Variants in ZFAND3 observed in about 807,000 individuals in gnomAD.
ZFAND3 encodes AN1-type zinc finger protein 3.
In ZFAND3, 10 loss-of-function variants were observed where a neutral mutation model predicts 29.6. That is an observed-to-expected ratio of 0.34 (90% confidence interval 0.21 to 0.57). The LOEUF (loss-of-function observed/expected upper bound fraction) is 0.57. Ranked by LOEUF, ZFAND3 falls within the 20% of genes least tolerant of loss-of-function variation. ZFAND3 has a pLI of 0.86. For synonymous variants in ZFAND3, 128 were observed against 112.6 expected (o/e 1.14, Z -0.87); for missense variants, 230 against 304.5 (o/e 0.76, Z 1.82).
At chr6:37,917,556 A>T (rs1761283121) in intron 1 of ZFAND3, among the ~76,000 whole-genome samples, 1 of 152,254 alleles carries the variant, frequency 6.6e-6, no homozygotes, top group African/African-American at 2.4e-5. Flanking sequence ...TGAGGCAGAG[A>T]TAGAAAAGAT....
At chr6:37,869,520 T>C (rs961826398) in intron 1 of ZFAND3, among the ~76,000 whole-genome samples, 1 of 151,936 alleles carries the variant, frequency 6.6e-6, no homozygotes, top group Non-Finnish European at 1.5e-5. Context: ...TTAATTTTTT[T>C]TTTTTTTTGA....
chr6:37,954,963 C>T (rs1049480377), intron 2 of ZFAND3, among the ~76,000 whole-genome samples: 1 of 152,200 alleles, frequency 6.6e-6, no homozygotes, highest in East Asian at 1.9e-4. Context: ...TACCTCTAAC[C>T]CTTTCAAATG....
intron 5 of ZFAND3, among the ~76,000 whole-genome samples, chr6:38,120,304 C>A (rs182688131): frequency 7.7e-6 from 1 of 129,850 alleles, no homozygotes; most frequent in Admixed American, 7.7e-5. Flanking sequence ...TTGATTGATA[C>A]ACGTAGCTTG....
chr6:38,141,687 T>C (rs1285484311), intron 5 of ZFAND3, among the ~76,000 whole-genome samples: 1 of 152,192 alleles, frequency 6.6e-6, no homozygotes, highest in African/African-American at 2.4e-5. Context: ...GGCAGTGACT[T>C]CTCAAAGGAG....
intron 2 of ZFAND3, among the ~76,000 whole-genome samples, chr6:38,030,062 A>G (rs1337264536): frequency 3.8e-3 from 52 of 13,616 alleles, no homozygotes; most frequent in African/African-American, 8.1e-3. Flanking sequence ...ATATATATAT[A>G]TATATATATA....
intron 1 of ZFAND3, among the ~76,000 whole-genome samples, chr6:37,907,282 G>A (rs1320612385): frequency 6.6e-6 from 1 of 152,038 alleles, no homozygotes; most frequent in South Asian, 2.1e-4. Flanking sequence ...CTAACTGTAC[G>A]TAGTTCAGTG....
intron 2 of ZFAND3, among the ~76,000 whole-genome samples, chr6:38,025,953 A>G (rs973853200): frequency 3.9e-5 from 6 of 152,326 alleles, no homozygotes; most frequent in Non-Finnish European, 8.8e-5. Flanking sequence ...ACAATCTAAA[A>G]TTGGTTGTGA....
rs141229452 is a variant in ZFAND3, at chr6:37,872,577, C to G, written c.71+52561C>G. Among the ~76,000 whole-genome samples, 5 of 152,290 alleles carry G rather than the reference C, an allele frequency of 3.3e-5. 1 individual carries two copies. In the East Asian group the frequency reaches 9.7e-4, roughly 29 times the overall value. ...CCACTTGCCTCTCCAGAGTACCACT[C>G]TCCTACTCTGGCACCATAGATTAGT... On this transcript the variant is annotated intron_variant, in intron 1 of 5. Coordinates refer to ENST00000287218, the MANE Select transcript of ZFAND3 (RefSeq NM_021943.3).
At chr6:37,861,911 G>A (rs1335328913) in intron 1 of ZFAND3, among the ~76,000 whole-genome samples, 1 of 152,196 alleles carries the variant, frequency 6.6e-6, no homozygotes, top group African/African-American at 2.4e-5. Context: ...TATGTTGTAT[G>A]TGTTTTGCTG....
chr6:38,090,894 T>C (rs1764854207), intron 4 of ZFAND3, among the ~76,000 whole-genome samples: 1 of 152,348 alleles, frequency 6.6e-6, no homozygotes, highest in East Asian at 1.9e-4. Flanking sequence ...TGTTTTGTAA[T>C]TGGAGCCCTA....
intron 4 of ZFAND3, among the ~76,000 whole-genome samples, chr6:38,101,772 CAAAAAAAAAA>C (rs57491627): frequency 4.7e-5 from 2 of 42,718 alleles, no homozygotes; most frequent in Non-Finnish European, 4.5e-5. Flanking sequence ...GACTCCCTCT[CAAAAAAAAAA>C]AAAAAAAAAA....
intron 1 of ZFAND3, among the ~76,000 whole-genome samples, chr6:37,929,437 A>C (rs1199952047): frequency 6.6e-6 from 1 of 152,254 alleles, no homozygotes; most frequent in Non-Finnish European, 1.5e-5. Flanking sequence ...AAAGAATTTT[A>C]AACAAGAAGG....
intron 1 of ZFAND3, among the ~76,000 whole-genome samples, chr6:37,835,684 C>T (rs752688718): frequency 3.6e-4 from 55 of 152,126 alleles, no homozygotes; most frequent in Non-Finnish European, 7.1e-4. Context: ...TAGCCTTAGT[C>T]CCACTTAGTC....
At chr6:37,893,084 A>G (rs1201797215) in intron 1 of ZFAND3, among the ~76,000 whole-genome samples, 1 of 152,106 alleles carries the variant, frequency 6.6e-6, no homozygotes, top group East Asian at 1.9e-4. Flanking sequence ...TTTAGGAGGA[A>G]GCACTTCCCA....
intron 1 of ZFAND3, among the ~76,000 whole-genome samples, chr6:37,908,016 C>G (rs759625309): frequency 5.3e-5 from 8 of 152,082 alleles, no homozygotes; most frequent in Non-Finnish European, 1.0e-4. Flanking sequence ...AAACTTGTCC[C>G]AAAAATGTCT....
intron 2 of ZFAND3, among the ~76,000 whole-genome samples, chr6:37,972,599 A>G (rs543993039): frequency 2.6e-5 from 4 of 152,162 alleles, no homozygotes; most frequent in African/African-American, 4.8e-5. Flanking sequence ...CACAACAGCT[A>G]TTATTTTATT....
chr6:37,863,541 G>GT (rs1764532048), intron 1 of ZFAND3, among the ~76,000 whole-genome samples: 1 of 151,688 alleles, frequency 6.6e-6, no homozygotes, highest in Admixed American at 6.6e-5. Context: ...AATAGAACTA[G>GT]TGATTTCTTT....
intron 1 of ZFAND3, among the ~76,000 whole-genome samples, chr6:37,866,053 T>C (rs1764584875): frequency 1.3e-5 from 2 of 152,134 alleles, no homozygotes; most frequent in South Asian, 4.1e-4. Flanking sequence ...TCTCAAATTC[T>C]TGGCCTTAAA....
At chr6:37,939,308 C>G (rs1312972521) in intron 2 of ZFAND3, among the ~76,000 whole-genome samples, 1 of 152,166 alleles carries the variant, frequency 6.6e-6, no homozygotes. Context: ...TAGTTCTTGG[C>G]ATTCCTTTGC....
Sources: allele counts gnomAD v4.1 joint callset (sites outside exome capture counted in the v4.1 genomes callset), GRCh38; gene constraint gnomAD v4.1.1; transcripts MANE v1.5; gene names NCBI Gene and HGNC (gene_info 2026-07-23, HGNC 2026-07-21).